Variants in AK7 observed in about 807,000 individuals in gnomAD.
The protein encoded by AK7 is adenylate kinase 7, also known as ATP-AMP transphosphorylase 7.
AK7 carries 78 observed loss-of-function variants against 96.6 expected under a neutral mutation model. That is an observed-to-expected ratio of 0.81 (90% CI 0.67 to 0.97). The LOEUF (loss-of-function observed/expected upper bound fraction) is 0.97, where lower values mean the gene tolerates loss of function less well. Ranked by LOEUF, AK7 falls within the 50% of genes least tolerant of loss-of-function variation. The pLI is 0.00. For missense variants in AK7, 855 were observed against 887.9 expected (o/e 0.96, Z 0.47); for synonymous variants, 302 against 317.2 (o/e 0.95, Z 0.51).
intron 14 of AK7, among the ~76,000 whole-genome samples, chr14:96,475,809 C>T (rs182897059): frequency 2.9e-4 from 44 of 151,994 alleles, no homozygotes; most frequent in Admixed American, 1.7e-3. Flanking sequence ...CCCATCTCCA[C>T]ACACACAAAA....
At chr14:96,449,582 C>T (rs942424678) in intron 8 of AK7, among the ~76,000 whole-genome samples, 4 of 152,246 alleles carry the variant, frequency 2.6e-5, no homozygotes, top group East Asian at 1.9e-4. Context: ...TACATGCACA[C>T]GCCACCACGC....
At chr14:96,469,441 C>T (rs1373574356) in intron 12 of AK7, among the ~76,000 whole-genome samples, 1 of 152,166 alleles carries the variant, frequency 6.6e-6, no homozygotes, top group African/African-American at 2.4e-5. Flanking sequence ...ATGAGAATCT[C>T]TTGAACCCAG....
Position 96,471,548 on chromosome 14 carries a change from A to G in AK7, c.1428A>G (p.Gln476=). The G allele has an allele frequency of 1.3e-6, 2 of 1,596,388 alleles. No individual in the cohort carries two copies. The highest frequency in any genetic ancestry group is 1.7e-6 in the Non-Finnish European group (2 of 1,170,684). The change falls in exon 13 of 18, where the codon CAA becomes CAG. Residue 476 remains glutamine, a synonymous_variant. Transcript: ENST00000267584. ...EKLKSMPCRN[Q]GYILDGFPKT... ...TAAAATCAATGCCTTGCAGGAATCA[A>G]GGTTATATTTTGGATGGATTCCCAA...
intron 7 of AK7, among the ~76,000 whole-genome samples, chr14:96,444,090 T>C (rs988598719): frequency 5.9e-5 from 9 of 152,066 alleles, no homozygotes; most frequent in African/African-American, 1.9e-4. Context: ...ACTCATAATG[T>C]TTTAAGAAAG....
At chr14:96,478,808 C>T in intron 15 of AK7, 146 bp downstream of exon 15, 1 of 753,864 alleles carries the variant, frequency 1.3e-6, no homozygotes, top group Non-Finnish European at 2.2e-6. Context: ...ACACAGGGCA[C>T]TCCTCCTGGG....
At chr14:96,425,894 GT>G (rs1892001975) in intron 5 of AK7, among the ~76,000 whole-genome samples, 1 of 152,134 alleles carries the variant, frequency 6.6e-6, no homozygotes, top group African/African-American at 2.4e-5. Context: ...TTCAGTCTAT[GT>G]GTGTCTTTAC....
intron 1 of AK7, 103 bp from the exon 2 acceptor site, chr14:96,397,972 A>G (rs8019939): frequency 0.64 from 778,301 of 1,207,586 alleles, 252,469 homozygotes; most frequent in East Asian, 0.84. Flanking sequence ...CCTTGGTGGC[A>G]CCCAGCAAGC....
At chr14:96,475,674 T>C (rs1895132823) in intron 14 of AK7, among the ~76,000 whole-genome samples, 1 of 152,148 alleles carries the variant, frequency 6.6e-6, no homozygotes, top group Non-Finnish European at 1.5e-5. Context: ...AAGGCCCCCC[T>C]GAAGATGTCA....
At chr14:96,429,522 G>T (rs1378547468) in intron 5 of AK7, among the ~76,000 whole-genome samples, 1 of 152,144 alleles carries the variant, frequency 6.6e-6, no homozygotes, top group Non-Finnish European at 1.5e-5. Flanking sequence ...GATTGATGGG[G>T]ATGGCATTGA....
At chr14:96,429,125 G>T (rs1892197787) in intron 5 of AK7, among the ~76,000 whole-genome samples, 1 of 152,082 alleles carries the variant, frequency 6.6e-6, no homozygotes, top group South Asian at 2.1e-4. Context: ...TAATTCATTT[G>T]AATTAATTTT....
intron 12 of AK7, among the ~76,000 whole-genome samples, 163 bp from the exon 13 acceptor site, chr14:96,471,315 A>C (rs1393412441): frequency 6.9e-6 from 1 of 144,228 alleles, no homozygotes; most frequent in Non-Finnish European, 1.5e-5. Flanking sequence ...TGGGCGACAG[A>C]GTGAGACCCC....
intron 5 of AK7, among the ~76,000 whole-genome samples, chr14:96,422,848 C>G (rs1485385171): frequency 6.6e-6 from 1 of 152,098 alleles, no homozygotes; most frequent in African/African-American, 2.4e-5. Flanking sequence ...ATTTCTCTTG[C>G]CTTTCTTCAG....
intron 2 of AK7, 119 bp from the exon 3 acceptor site, chr14:96,404,638 G>A (rs1890601232): frequency 4.0e-6 from 2 of 499,484 alleles, no homozygotes. Flanking sequence ...CCTCCTGCAA[G>A]TGTTTCCTGT....
At chr14:96,404,909 T>G (rs1890622065) in intron 3 of AK7, 44 bp downstream of exon 3, 2 of 1,400,162 alleles carry the variant, frequency 1.4e-6, no homozygotes, top group South Asian at 1.2e-5. Flanking sequence ...GCTATTGTAG[T>G]GCTGCCTACT....
chr14:96,392,587 C>G (rs1490129969), intron 1 of AK7, among the ~76,000 whole-genome samples: 1 of 152,234 alleles, frequency 6.6e-6, no homozygotes, highest in Non-Finnish European at 1.5e-5. Context: ...GACAGAGACT[C>G]CAGGTCTCTT....
intron 5 of AK7, among the ~76,000 whole-genome samples, chr14:96,436,059 G>A (rs1254486737): frequency 6.6e-6 from 1 of 152,068 alleles, no homozygotes; most frequent in Non-Finnish European, 1.5e-5. Flanking sequence ...TTGCAGGGGA[G>A]ATTTCCATCC....
At chr14:96,398,478 T>C in intron 2 of AK7, 1 of 578,604 alleles carries the variant, frequency 1.7e-6, no homozygotes, top group East Asian at 3.0e-5. Context: ...TAGATAGTGT[T>C]GGAAAGGATG....
At chr14:96,482,434 C>T (rs149325138) in intron 15 of AK7, among the ~76,000 whole-genome samples, 7 of 152,228 alleles carry the variant, frequency 4.6e-5, no homozygotes, top group Non-Finnish European at 7.4e-5. Context: ...CCTCAGTGAC[C>T]GTGGAGATCT....
intron 12 of AK7, among the ~76,000 whole-genome samples, chr14:96,466,655 G>A (rs1221297807): frequency 1.3e-5 from 2 of 152,104 alleles, no homozygotes; most frequent in Non-Finnish European, 2.9e-5. Context: ...TTACAGGTGT[G>A]AGCACCTGGC....
Sources: allele counts gnomAD v4.1 joint callset (sites outside exome capture counted in the v4.1 genomes callset), GRCh38; gene constraint gnomAD v4.1.1; transcripts MANE v1.5; gene names NCBI Gene and HGNC (gene_info 2026-07-23, HGNC 2026-07-21).